Variants in LRCH1 observed in about 807,000 individuals in gnomAD.
LRCH1 encodes the protein leucine-rich repeat and calponin homology domain-containing protein 1.
Under a neutral mutation model 94.9 loss-of-function variants are expected in LRCH1, and 23 were observed. The ratio of observed to expected loss-of-function variants is 0.24; its 90% CI spans 0.17 to 0.34. LRCH1 has a LOEUF of 0.34. Ranked by LOEUF, LRCH1 falls within the 10% of genes least tolerant of loss-of-function variation. LRCH1 has a pLI of 1.00. For missense variants in LRCH1, 790 were observed against 945.9 expected (o/e 0.84, Z 2.16); for synonymous variants, 364 against 354.9 (o/e 1.03, Z -0.29).
Position 46,553,333 on chromosome 13 carries a change from T to G in LRCH1, c.-64T>G, listed in dbSNP as rs2137883661. 1 of 1,308,506 alleles carries G rather than the reference T, an allele frequency of 7.6e-7. No homozygotes were observed. Among genetic ancestry groups the G allele is most frequent in the Non-Finnish European group, 1.0e-6 (1 of 978,052 alleles). The allele number at this position is 1,308,506 out of a possible 1,614,324, so 81.1% of individuals were successfully genotyped here. On this transcript the variant is annotated 5_prime_UTR_variant, in exon 1 of 20. Coordinates refer to ENST00000389797, the MANE Select transcript of LRCH1 (RefSeq NM_001164211.2). ...CTCAGCCCGAGCTGCCGTTTTCCCC[T>G]CGCGGGGAACGCTGTGACCCCCCCG... is the stretch of plus-strand genomic sequence containing the variant.
chr13:46,606,826 C>T (rs957293190), intron 1 of LRCH1, among the ~76,000 whole-genome samples: 1 of 152,144 alleles, frequency 6.6e-6, no homozygotes, highest in African/African-American at 2.4e-5. Flanking sequence ...CCTGCCTCGG[C>T]TGGTGTGCTA....
At chr13:46,698,763 C>A (rs1306120108) in intron 9 of LRCH1, among the ~76,000 whole-genome samples, 1 of 152,158 alleles carries the variant, frequency 6.6e-6, no homozygotes, top group Non-Finnish European at 1.5e-5. Context: ...ATGCTGTGGT[C>A]TTGGGCCACA....
intron 13 of LRCH1, among the ~76,000 whole-genome samples, chr13:46,706,705 C>T (rs1292659755): frequency 6.6e-6 from 1 of 152,046 alleles, no homozygotes; most frequent in Non-Finnish European, 1.5e-5. Flanking sequence ...TTACAGGTGG[C>T]TCACACCTGT....
intron 1 of LRCH1, among the ~76,000 whole-genome samples, chr13:46,619,684 G>A (rs9526204): frequency 0.056 from 8,551 of 152,110 alleles, 402 homozygotes; most frequent in East Asian, 0.25. Context: ...AGGGAAGGTG[G>A]GCATTCGGAT....
chr13:46,571,198 C>T (rs2050237292), intron 1 of LRCH1, among the ~76,000 whole-genome samples: 1 of 152,230 alleles, frequency 6.6e-6, no homozygotes, highest in Admixed American at 6.5e-5. Context: ...ATTAACTGCT[C>T]CAGCATCTTG....
chr13:46,617,892 T>C (rs1044897837), intron 1 of LRCH1, among the ~76,000 whole-genome samples: 2 of 152,208 alleles, frequency 1.3e-5, no homozygotes, highest in Non-Finnish European at 2.9e-5. Flanking sequence ...TCAACAAATA[T>C]TTTTGAGAAT....
chr13:46,724,688 C>G (rs1476015419), intron 17 of LRCH1, among the ~76,000 whole-genome samples: 1 of 152,140 alleles, frequency 6.6e-6, no homozygotes, highest in African/African-American at 2.4e-5. Flanking sequence ...AATCAATCAC[C>G]AAGGAAGAAA....
chr13:46,744,272 A>G lies in LRCH1; in HGVS notation c.*2424A>G. ...CTGAGTGGTTTATTGTGCTGACCAA[A>G]TCTCCTCCTCACAAGAAAGACCGTT... is the stretch of plus-strand genomic sequence containing the variant. On this transcript the variant is annotated 3_prime_UTR_variant, in exon 20 of 20. Transcript: ENST00000389797. The G allele has an allele frequency of 1.0e-6, 1 of 983,772 alleles. No individual in the cohort carries two copies. Among genetic ancestry groups the G allele is most frequent in the Non-Finnish European group, 1.2e-6 (1 of 829,920 alleles). The allele number at this position is 983,772 out of a possible 1,614,324, so 60.9% of individuals were successfully genotyped here.
intron 3 of LRCH1, among the ~76,000 whole-genome samples, chr13:46,670,379 C>T (rs58150380): frequency 0.071 from 10,868 of 152,172 alleles, 485 homozygotes; most frequent in Middle Eastern, 0.15. Flanking sequence ...ACCATGGCAG[C>T]GGTTCATTTT....
chr13:46,706,897 G>A (rs1419795077), intron 13 of LRCH1, among the ~76,000 whole-genome samples: 2 of 151,960 alleles, frequency 1.3e-5, no homozygotes, highest in African/African-American at 4.8e-5. Context: ...TTCTTTTTCT[G>A]AAACACACAC....
At chr13:46,653,026 T>TA (rs1287484644) in intron 2 of LRCH1, among the ~76,000 whole-genome samples, 1 of 152,168 alleles carries the variant, frequency 6.6e-6, no homozygotes, top group East Asian at 1.9e-4. Flanking sequence ...TATATTGCAG[T>TA]ATGGATCTGA....
At chr13:46,669,241 G>A (rs754499384) in intron 3 of LRCH1, 85 bp downstream of exon 3, 53 of 1,508,198 alleles carry the variant, frequency 3.5e-5, no homozygotes, top group African/African-American at 5.5e-5. Context: ...TTTTTGCTAC[G>A]GTTGGACAAG....
At chr13:46,716,410 A>C (rs866810890) in intron 16 of LRCH1, among the ~76,000 whole-genome samples, 1 of 152,234 alleles carries the variant, frequency 6.6e-6, no homozygotes, top group South Asian at 2.1e-4. Context: ...ATTCTAGTCT[A>C]ATTTCATCCT....
rs1257383932 is a variant in LRCH1 at position 46,681,688 on chromosome 13, C to G, written c.580-53C>G. On this transcript the variant is annotated intron_variant, in intron 3 of 19. Transcript: ENST00000389797. ...CCTTAAGGAGATTTCACATGAAATG[C>G]TTGATTTCCTGGAAAAAGATGTTTA... 4 of 1,248,212 alleles carry G rather than the reference C, an allele frequency of 3.2e-6. No individual in the cohort carries two copies. The African/African-American group carries it at 4.4e-5, about 14-fold the overall frequency. 77.3% of individuals were successfully genotyped at this position (1,248,212 alleles called of 1,614,324 possible).
chr13:46,654,228 C>T (rs970350874), intron 2 of LRCH1, among the ~76,000 whole-genome samples: 1 of 152,134 alleles, frequency 6.6e-6, no homozygotes. Context: ...CACCCCACTC[C>T]CAGCCATCCC....
At position 46,634,238 on chromosome 13, in the gene LRCH1, C is replaced by G. The variant is rs1044495463; in HGVS notation, c.308-15963C>G. Among the ~76,000 whole-genome samples the G allele has an allele frequency of 3.9e-5, 6 of 152,200 alleles. No homozygotes were observed. In the South Asian group the frequency reaches 1.2e-3, roughly 31 times the overall value. On this transcript the variant is annotated intron_variant, in intron 1 of 19. Coordinates refer to ENST00000389797, the MANE Select transcript of LRCH1 (RefSeq NM_001164211.2). ...CAGTCATTCATCCACGTCAGAAAGC[C>G]CCAGATGCCACCAGCTCTTCTTTGC...
At chr13:46,676,742 C>T (rs1050520296) in intron 3 of LRCH1, among the ~76,000 whole-genome samples, 1 of 152,140 alleles carries the variant, frequency 6.6e-6, no homozygotes, top group Non-Finnish European at 1.5e-5. Flanking sequence ...TATTCTGTAA[C>T]CAAGATCATC....
In LRCH1 at chr13:46,632,800, C is replaced by T. The variant is rs2051035277; in HGVS notation, c.308-17401C>T. 2.0e-5 allele frequency among the ~76,000 whole-genome samples: 3 copies of T among 152,152 alleles called. No homozygotes were observed. In the South Asian group the frequency reaches 6.2e-4, roughly 31 times the overall value. On this transcript the variant is annotated intron_variant, in intron 1 of 19. Transcript: ENST00000389797. ...AAAAGAGAAGTCTCAAGAGAATAAG[C>T]ATTTTGTCTACATTTAAGTCTTTTG...
At chr13:46,636,372 C>T (rs2051089896) in intron 1 of LRCH1, among the ~76,000 whole-genome samples, 1 of 152,104 alleles carries the variant, frequency 6.6e-6, no homozygotes. Context: ...GCGCCTGGCC[C>T]ATCTCAACCA....
Sources: gnomAD v4.1 joint callset for allele counts (sites outside exome capture counted in the v4.1 genomes callset) on GRCh38, gnomAD v4.1.1 for gene constraint, MANE v1.5 for transcripts, NCBI Gene and HGNC (gene_info 2026-07-23, HGNC 2026-07-21) for gene names.